POF1B: variants seen among roughly 807,000 people sequenced by gnomAD.
The protein encoded by POF1B is protein POF1B.
A neutral mutation model predicts 55.3 loss-of-function variants in POF1B; 53 were observed. The observed-to-expected ratio is 0.96, with a 90% CI of 0.77 to 1.20. The LOEUF (loss-of-function observed/expected upper bound fraction) is 1.20, where lower values mean the gene tolerates loss of function less well. POF1B is among the 50% of genes most tolerant of loss of function. The pLI, the probability that POF1B is intolerant of heterozygous loss-of-function variation, is 0.00. For missense variants in POF1B, 478 were observed against 420.5 expected (o/e 1.14, Z -1.20); for synonymous variants, 188 against 148.3 (o/e 1.27, Z -1.95).
At chrX:85,377,118 A>C (rs777404347) in intron 2 of POF1B, among the ~76,000 whole-genome samples, 2 of 111,974 alleles carry the variant, frequency 1.8e-5, no homozygotes, top group East Asian at 5.6e-4. Context: ...TTATTGAAAC[A>C]TAAAGTGAAT....
rs761154794 is a variant in POF1B, at chrX:85,351,339, A to G, written c.540+11T>C. 4 of 1,108,757 alleles carry G rather than the reference A, an allele frequency of 3.6e-6. No individual in the cohort carries two copies. Among genetic ancestry groups the G allele is most frequent in the Non-Finnish European group, 4.9e-6 (4 of 818,092 alleles). 91.4% of individuals were successfully genotyped at this position (1,108,757 alleles called of 1,213,427 possible). A position where few individuals can be genotyped will look rare whatever the true frequency, so the allele number is the denominator to read the frequency against. On this transcript the variant is annotated intron_variant, in intron 5 of 16. Coordinates refer to ENST00000262753, the MANE Select transcript of POF1B (RefSeq NM_024921.4). ...ACTTAAAAACAAGTTTTAAAACAAA[A>G]TATTACTTACCTGATCAGTATTTAG... is the stretch of plus-strand genomic sequence containing the variant.
At chrX:85,376,978 T>C (rs966135842) in intron 2 of POF1B, among the ~76,000 whole-genome samples, 6 of 111,929 alleles carry the variant, frequency 5.4e-5, no homozygotes, top group Non-Finnish European at 9.4e-5. Flanking sequence ...AGTAAAAGTT[T>C]AACTGAATTC....
At chrX:85,285,775 A>G (rs1373255101) in intron 15 of POF1B, among the ~76,000 whole-genome samples, 2 of 111,334 alleles carry the variant, frequency 1.8e-5, no homozygotes, top group Admixed American at 1.9e-4. Flanking sequence ...CATTGTGCAC[A>G]TGTACCCTAG....
At chrX:85,281,803 G>T (rs1050358016) in intron 16 of POF1B, among the ~76,000 whole-genome samples, 10 of 108,874 alleles carry the variant, frequency 9.2e-5, no homozygotes, top group Admixed American at 9.9e-5. Context: ...ATTGAAACAT[G>T]CCTCTTCTCC....
rs1603039525 is a variant in POF1B, at chrX:85,314,498, G to A, written c.891C>T (p.Asp297=). 4 of 1,187,198 alleles carry A rather than the reference G, an allele frequency of 3.4e-6. No homozygotes were observed. In the East Asian group the frequency reaches 1.2e-4, roughly 36 times the overall value. The change falls in exon 9 of 17, where the codon GAC becomes GAT. Residue 297 remains aspartate, a synonymous_variant. Transcript: ENST00000262753. ...QDFESTDESE[D]IESLIPKGLS... ...ATCCTTTAGGAATCAATGATTCAAT[G>A]TCTTCCGACTGTAAGAAAAAAAGGC...
chrX:85,292,660 T>C (rs775737252), intron 15 of POF1B, among the ~76,000 whole-genome samples: 2 of 111,341 alleles, frequency 1.8e-5, no homozygotes, highest in Non-Finnish European at 3.8e-5. Flanking sequence ...TTCTTCCTGG[T>C]TCACTCTTGG....
intron 2 of POF1B, 46 bp downstream of exon 2, chrX:85,379,127 A>G: frequency 8.6e-7 from 1 of 1,161,659 alleles, no homozygotes; most frequent in Non-Finnish European, 1.2e-6. Context: ...AATCAGGTTG[A>G]AGATTGCCTT....
chrX:85,282,266 A>C lies in POF1B; in HGVS notation c.1701T>G (p.Tyr567Ter). 8.4e-7 allele frequency: 1 copy of C among 1,193,182 alleles called. No homozygotes were observed. The highest frequency in any genetic ancestry group is 3.0e-5 in the East Asian group (1 of 33,080). The change falls in exon 16 of 17, where the codon TAT (tyrosine) becomes TAG (stop). Residue 567 changes from tyrosine (Y) to a stop codon, truncating the protein, a stop_gained. Transcript: ENST00000262753. LOFTEE classifies it high-confidence loss of function. ...ILGLLYDDYEYIPPGSETQTI... is the reference protein window; with the variant it reads ...ILGLLYDDYE Reference sequence around the variant, plus strand: ...TCTGTGTTTCACTACCTGGTGGTATATATTCGTAGTCATCATATAGGAGGC... The same window carrying C: ...TCTGTGTTTCACTACCTGGTGGTATCTATTCGTAGTCATCATATAGGAGGC...
chrX:85,331,989 C>A (rs1187892131), intron 6 of POF1B, among the ~76,000 whole-genome samples: 2 of 111,641 alleles, frequency 1.8e-5, no homozygotes, highest in African/African-American at 6.5e-5. Context: ...GCCATATTTT[C>A]TTTATCCACT....
chrX:85,285,059 G>T (rs948959560), intron 15 of POF1B, among the ~76,000 whole-genome samples: 1 of 112,043 alleles, frequency 8.9e-6, no homozygotes, highest in Non-Finnish European at 1.9e-5. Flanking sequence ...TGAAAAAAAT[G>T]CTCACCATCA....
chrX:85,356,707 C>G (rs1354425036), intron 4 of POF1B, among the ~76,000 whole-genome samples: 2 of 111,460 alleles, frequency 1.8e-5, no homozygotes, highest in Non-Finnish European at 3.8e-5. Flanking sequence ...AGCTGCTAGA[C>G]AATTCTACTA....
chrX:85,311,255 A>T (rs1018151584), intron 9 of POF1B, among the ~76,000 whole-genome samples: 9 of 111,120 alleles, frequency 8.1e-5, no homozygotes, highest in Admixed American at 6.7e-4. Flanking sequence ...CAGAACGTGC[A>T]GGTTTGTTAC....
intron 3 of POF1B, among the ~76,000 whole-genome samples, chrX:85,361,499 G>A (rs1933618012): frequency 9.0e-6 from 1 of 110,988 alleles, no homozygotes; most frequent in Non-Finnish European, 1.9e-5. Context: ...TTGACAGCTT[G>A]GTCAAAGATC....
intron 4 of POF1B, among the ~76,000 whole-genome samples, chrX:85,352,755 T>G (rs944046953): frequency 1.8e-5 from 2 of 111,548 alleles, no homozygotes; most frequent in Admixed American, 1.9e-4. Context: ...CAGTGTACTT[T>G]GCTACATGCT....
At chrX:85,293,888 C>T (rs934454082) in intron 15 of POF1B, among the ~76,000 whole-genome samples, 7 of 109,116 alleles carry the variant, frequency 6.4e-5, no homozygotes, top group East Asian at 5.8e-4. Flanking sequence ...GCAGAAGAAT[C>T]GCTTGAATGT....
intron 15 of POF1B, among the ~76,000 whole-genome samples, chrX:85,301,222 G>C (rs772026986): frequency 4.5e-5 from 5 of 111,085 alleles, no homozygotes; most frequent in Non-Finnish European, 9.4e-5. Flanking sequence ...AACAGTCAAG[G>C]GCCATAGAAA....
At chrX:85,315,069 C>A (rs1362884501) in intron 8 of POF1B, among the ~76,000 whole-genome samples, 1 of 111,128 alleles carries the variant, frequency 9.0e-6, no homozygotes, top group East Asian at 2.8e-4. Flanking sequence ...TTCTTAAAGG[C>A]AATTTAGGAA....
At chrX:85,334,720 T>G (rs1037307406) in intron 6 of POF1B, among the ~76,000 whole-genome samples, 1 of 111,445 alleles carries the variant, frequency 9.0e-6, no homozygotes, top group Non-Finnish European at 1.9e-5. Flanking sequence ...AAAGAGAAAT[T>G]ACAGACCTCA....
Position 85,305,643 on chromosome X carries a change from A to C in POF1B, c.1437+148T>G, listed in dbSNP as rs1603032881. On this transcript the variant is annotated intron_variant, in intron 13 of 16. Coordinates refer to ENST00000262753, the MANE Select transcript of POF1B (RefSeq NM_024921.4). ...TAACAGTTATATTTTAGATACAGTA[A>C]TGTATTTAAAACAAATGAATACATG... The C allele has an allele frequency of 1.0e-5, 5 of 502,146 alleles. No homozygotes were observed. In the East Asian group the frequency reaches 2.0e-4, roughly 20 times the overall value. The allele number at this position is 502,146 out of a possible 1,213,427, so 41.4% of individuals were successfully genotyped here. A position where few individuals can be genotyped will look rare whatever the true frequency, so the allele number is the denominator to read the frequency against.
Sources: gnomAD v4.1 joint callset for allele counts (sites outside exome capture counted in the v4.1 genomes callset) on GRCh38, gnomAD v4.1.1 for gene constraint, MANE v1.5 for transcripts, NCBI Gene and HGNC (gene_info 2026-07-23, HGNC 2026-07-21) for gene names.